TTLL10: variants seen among roughly 807,000 people sequenced by gnomAD.
TTLL10 encodes the protein tubulin tyrosine ligase like 10.
Under a neutral mutation model 69.0 loss-of-function variants are expected in TTLL10, and 61 were observed. The observed-to-expected ratio is 0.88, with a 90% CI of 0.72 to 1.09. The LOEUF (loss-of-function observed/expected upper bound fraction) is 1.09. Among genes scored for constraint, TTLL10 ranks in the 50% least tolerant of loss-of-function variants. TTLL10 has a pLI of 0.00. For synonymous variants in TTLL10, 408 were observed against 393.3 expected (o/e 1.04, Z -0.44); for missense variants, 962 against 945.9 (o/e 1.02, Z -0.22).
rs1456148803 is a variant in TTLL10 at position 1,197,737 on chromosome 1, C to CA, written c.1913dup (p.Ala639GlyfsTer31). On this transcript the variant is annotated frameshift_variant, in exon 16 of 16. Coordinates refer to ENST00000379289, the MANE Select transcript of TTLL10 (RefSeq NM_001130045.2). LOFTEE classifies it high-confidence loss of function. ...GGACAGCGCCCACGATGGGGAGCCC[C>CA]AGGCCCCGGGCACGGAGCAGTCGGG... 2.0e-6 allele frequency: 3 copies of CA among 1,534,208 alleles called. No individual in the cohort carries two copies. In the African/African-American group the frequency reaches 4.2e-5, roughly 21 times the overall value.
intron 13 of TTLL10, among the ~76,000 whole-genome samples, chr1:1,191,206 A>AT (rs891443921): frequency 6.6e-6 from 1 of 152,138 alleles, no homozygotes; most frequent in African/African-American, 2.4e-5. Flanking sequence ...CATATTTGTG[A>AT]TTTTTCCAAT....
chr1:1,184,909 C>T (rs1027246094), intron 12 of TTLL10, 60 bp from the exon 13 acceptor site: 29 of 591,230 alleles, frequency 4.9e-5, no homozygotes, highest in Non-Finnish European at 7.3e-5. Flanking sequence ...TGGGGACCCC[C>T]GTGAGGACAG....
intron 3 of TTLL10, among the ~76,000 whole-genome samples, chr1:1,177,060 C>CTGTGTG (rs371602667): frequency 2.1e-5 from 3 of 143,788 alleles, no homozygotes; most frequent in Non-Finnish European, 4.5e-5. Context: ...GTGTGGGTGT[C>CTGTGTG]TGTGTGTGTG....
chr1:1,191,003 A>G (rs1443314385), intron 13 of TTLL10, among the ~76,000 whole-genome samples: 2 of 151,820 alleles, frequency 1.3e-5, no homozygotes, highest in Non-Finnish European at 2.9e-5. Context: ...TTTTGTTTGT[A>G]TTATTAGTAG....
intron 4 of TTLL10, 150 bp downstream of exon 4, chr1:1,179,483 C>A: frequency 7.9e-7 from 1 of 1,270,364 alleles, no homozygotes. Context: ...AGAGAGGGGC[C>A]AGCTGTGGGC....
In TTLL10 at chr1:1,189,798, G is replaced by A. The variant is rs113688966; in HGVS notation, c.1401+4689G>A. Among the ~76,000 whole-genome samples the A allele has an allele frequency of 6.5e-3, 987 of 152,174 alleles. 12 individuals carry two copies. Among genetic ancestry groups the A allele is most frequent in the African/African-American group, 0.02 (841 of 41,510 alleles). ...GTCCATCCAGATTTTCTAATCTTTA[G>A]TCTGCTTTATTTTGCTAAGAATTTG... On this transcript the variant is annotated intron_variant, in intron 13 of 15. Coordinates refer to ENST00000379289, the MANE Select transcript of TTLL10 (RefSeq NM_001130045.2).
intron 12 of TTLL10, 130 bp downstream of exon 12, chr1:1,184,221 G>T: frequency 7.5e-7 from 1 of 1,335,494 alleles, no homozygotes; most frequent in Non-Finnish European, 1.0e-6. Context: ...GGTGTCTCAG[G>T]CCTGGAAGTA....
Position 1,180,073 on chromosome 1 carries a change from A to T in TTLL10, c.239A>T (p.Glu80Val). 6.3e-7 allele frequency: 1 copy of T among 1,599,248 alleles called. No homozygotes were observed. The highest frequency in any genetic ancestry group is 8.5e-7 in the Non-Finnish European group (1 of 1,172,398). ...HERPMGSSQE[E>V]GLRCQPSQPD... ...AGGCCAATGGGGAGCAGCCAGGAGGAGGGACTCCGGTGTCAGCCAAGCCAG... is the reference window on the plus strand; with the variant it reads ...AGGCCAATGGGGAGCAGCCAGGAGGTGGGACTCCGGTGTCAGCCAAGCCAG... The change falls in exon 6 of 16, where the codon GAG becomes GTG. Residue 80 changes from glutamate to valine, a missense_variant. Coordinates refer to ENST00000379289, the MANE Select transcript of TTLL10 (RefSeq NM_001130045.2).
At position 1,197,750 on chromosome 1, in the gene TTLL10, C is replaced by T. The variant is rs932116248; in HGVS notation, c.1925C>T (p.Thr642Met). 1.1e-5 allele frequency: 17 copies of T among 1,535,320 alleles called. No individual in the cohort carries two copies. The African/African-American group carries it at 1.1e-4, about 10-fold the overall frequency. ...GATGGGGAGCCCCAGGCCCCGGGCA[C>T]GGAGCAGTCGGGCACAGGCAACAGG... ...AHDGEPQAPG[T>M]EQSGTGNRHP... Residue 642 changes from threonine to methionine, a missense_variant, in exon 16 of 16, where the codon ACG becomes ATG. Transcript: ENST00000379289.
chr1:1,185,293 C>T lies in TTLL10; in HGVS notation c.1401+184C>T, dbSNP rs1647234663. 7.1e-7 allele frequency: 1 copy of T among 1,407,312 alleles called. No homozygotes were observed. The highest frequency in any genetic ancestry group is 1.6e-5 in the South Asian group (1 of 60,614). 87.2% of individuals were successfully genotyped at this position (1,407,312 alleles called of 1,614,324 possible). Reference sequence around the variant, plus strand: ...CTCACTTAGCTGGCAGTGCCTGTCCCCAGCAGCCAGCAAAGGCCCGGACGG... The same window carrying T: ...CTCACTTAGCTGGCAGTGCCTGTCCTCAGCAGCCAGCAAAGGCCCGGACGG... On this transcript the variant is annotated intron_variant, in intron 13 of 15. Coordinates refer to ENST00000379289, the MANE Select transcript of TTLL10 (RefSeq NM_001130045.2). This position sits in a 1 kb window ranked among gnomAD's most constrained non-coding sequence, Gnocchi z 6.1.
Position 1,183,635 on chromosome 1 carries a change from G to A in TTLL10, c.1089-285G>A, listed in dbSNP as rs577287900. Among the ~76,000 whole-genome samples the A allele has an allele frequency of 3.3e-4, 50 of 152,306 alleles. 1 individual carries two copies. In the South Asian group the frequency reaches 3.9e-3, roughly 12 times the overall value. ...CCTCTGCCTAGCGCCCGCCTGGCGC[G>A]CTCCTTCCCTTCCTCTCCAAAGCCA... On this transcript the variant is annotated intron_variant, in intron 11 of 15. Transcript: ENST00000379289.
chr1:1,195,775 G>A (rs866053697), intron 13 of TTLL10, among the ~76,000 whole-genome samples: 5 of 152,116 alleles, frequency 3.3e-5, no homozygotes, highest in South Asian at 2.1e-4. Context: ...AAGTAGGTGG[G>A]ACTACAGGCA....
chr1:1,179,720 C>G lies in TTLL10; in HGVS notation c.182C>G (p.Pro61Arg), dbSNP rs901393177. 6.5e-7 allele frequency: 1 copy of G among 1,550,118 alleles called. No individual in the cohort carries two copies. Among genetic ancestry groups the G allele is most frequent in the African/African-American group, 1.4e-5 (1 of 73,154 alleles). ...TCACAGCCCGGCCCCTGCCCTGCAC[C>G]AGGCCACTGCCCTGTTGGTGAGGAG... is the stretch of plus-strand genomic sequence containing the variant. ...PASQPGPCPA[P>R]GHCPVGPAHE... The change falls in exon 5 of 16, where the codon CCA becomes CGA. Residue 61 changes from proline (P) to arginine (R), a missense_variant. Physicochemically the swap from Pro to Arg is moderately radical, Grantham distance 103 (BLOSUM62 -2). Coordinates refer to ENST00000379289, the MANE Select transcript of TTLL10 (RefSeq NM_001130045.2).
chr1:1,191,410 A>G (rs1647768140), intron 13 of TTLL10, among the ~76,000 whole-genome samples: 1 of 152,352 alleles, frequency 6.6e-6, no homozygotes, highest in East Asian at 1.9e-4. Flanking sequence ...TGGGCAACAC[A>G]GCAAAACCCC....
intron 3 of TTLL10, chr1:1,175,512 G>A (rs1646841194): frequency 5.4e-6 from 2 of 371,570 alleles, no homozygotes; most frequent in Admixed American, 3.4e-5. Context: ...CTCCCCGGGT[G>A]GTGCCCATTT....
chr1:1,179,623 C>T (rs1646980155), intron 4 of TTLL10, 34 bp from the exon 5 acceptor site: 1 of 1,550,638 alleles, frequency 6.4e-7, no homozygotes, highest in South Asian at 1.2e-5. Context: ...TCACCCATGA[C>T]ATCATCATGG....
Position 1,180,319 on chromosome 1 carries a change from GAGGC to G in TTLL10, c.488_491del (p.Gly163AlafsTer29), listed in dbSNP as rs1557475966. 2 of 1,580,806 alleles carry G rather than the reference GAGGC, an allele frequency of 1.3e-6. No individual in the cohort carries two copies. Among genetic ancestry groups the G allele is most frequent in the African/African-American group, 2.7e-5 (2 of 74,240 alleles). ...CGGCCGGGGCCCTTCTTCTACATTG[GAGGC>G]AGCAACGGGGCCACAATGTGAGTAG... On this transcript the variant is annotated frameshift_variant, in exon 6 of 16. Transcript: ENST00000379289. LOFTEE classifies it high-confidence loss of function.
intron 13 of TTLL10, among the ~76,000 whole-genome samples, chr1:1,196,023 G>A (rs1648180245): frequency 6.6e-6 from 1 of 151,878 alleles, no homozygotes; most frequent in Non-Finnish European, 1.5e-5. Flanking sequence ...CAATCCTCCT[G>A]CCTCAGCCTC....
At position 1,181,867 on chromosome 1, in the gene TTLL10, A is replaced by C; in HGVS notation, c.830+52A>C. 6.7e-7 allele frequency: 1 copy of C among 1,503,482 alleles called. No individual in the cohort carries two copies. The highest frequency in any genetic ancestry group is 9.1e-7 in the Non-Finnish European group (1 of 1,100,248). The allele number at this position is 1,503,482 out of a possible 1,614,324, so 93.1% of individuals were successfully genotyped here. On this transcript the variant is annotated intron_variant, in intron 9 of 15. Coordinates refer to ENST00000379289, the MANE Select transcript of TTLL10 (RefSeq NM_001130045.2). This position sits in a 1 kb window ranked among gnomAD's most constrained non-coding sequence, Gnocchi z 4.6. ...CCTTCAGACCGAAGTTCAGACCTAA[A>C]CCTGGTGTCGTCTGAAAAGGAGAAA...
Sources: gnomAD v4.1 joint callset for allele counts (sites outside exome capture counted in the v4.1 genomes callset) on GRCh38, gnomAD v4.1.1 for gene constraint, Gnocchi (gnomAD v3.1) non-coding constraint, MANE v1.5 for transcripts, NCBI Gene and HGNC (gene_info 2026-07-23, HGNC 2026-07-21) for gene names.